MCF2L2: variants seen among roughly 807,000 people sequenced by gnomAD.
MCF2L2 encodes MCF.2 cell line derived transforming sequence-like 2.
Under a neutral mutation model 150.2 loss-of-function variants are expected in MCF2L2, and 102 were observed. That is an observed-to-expected ratio of 0.68 (90% CI 0.58 to 0.80). MCF2L2 has a LOEUF of 0.80. Ranked by LOEUF, MCF2L2 falls within the 30% of genes least tolerant of loss-of-function variation. MCF2L2 has a pLI of 0.00. For missense variants in MCF2L2, 1,256 were observed against 1,372.8 expected (o/e 0.91, Z 1.34); for synonymous variants, 465 against 491.3 (o/e 0.95, Z 0.71).
intron 4 of MCF2L2, among the ~76,000 whole-genome samples, chr3:183,340,563 T>C (rs1386107793): frequency 6.6e-6 from 1 of 152,148 alleles, no homozygotes; most frequent in Admixed American, 6.5e-5. Flanking sequence ...CAAGGTGATA[T>C]AATTTAATGC....
intron 15 of MCF2L2, among the ~76,000 whole-genome samples, chr3:183,241,405 CAT>C (rs968128114): frequency 8.5e-5 from 13 of 152,118 alleles, no homozygotes; most frequent in Admixed American, 4.6e-4. Context: ...ATAATCCCCA[CAT>C]GTCATGGGAG....
intron 3 of MCF2L2, among the ~76,000 whole-genome samples, chr3:183,370,997 T>C (rs185466795): frequency 1.3e-5 from 2 of 152,232 alleles, no homozygotes; most frequent in East Asian, 3.8e-4. Context: ...CTGTACACTC[T>C]GGATGTACAT....
At chr3:183,184,099 C>G (rs1454999585) in intron 27 of MCF2L2, among the ~76,000 whole-genome samples, 1 of 152,094 alleles carries the variant, frequency 6.6e-6, no homozygotes, top group Non-Finnish European at 1.5e-5. Flanking sequence ...CTCACAGCAA[C>G]CTCCTTCTCC....
intron 9 of MCF2L2, 83 bp downstream of exon 9, chr3:183,310,832 C>A: frequency 1.1e-6 from 1 of 879,350 alleles, no homozygotes; most frequent in Non-Finnish European, 1.8e-6. Flanking sequence ...AGAGGGAAAC[C>A]CCATACCAAA....
At chr3:183,412,938 T>C (rs1421623568) in intron 1 of MCF2L2, among the ~76,000 whole-genome samples, 1 of 152,124 alleles carries the variant, frequency 6.6e-6, no homozygotes, top group African/African-American at 2.4e-5. Context: ...CAAGATAGGG[T>C]GTTGAATCTT....
chr3:183,402,379 G>A (rs1354569443), intron 1 of MCF2L2, among the ~76,000 whole-genome samples: 8 of 149,362 alleles, frequency 5.4e-5, no homozygotes, highest in East Asian at 2.0e-4. Flanking sequence ...GCGTGACCTC[G>A]GGAGGCGGAG....
chr3:183,285,920 C>T (rs1267384412), intron 14 of MCF2L2, among the ~76,000 whole-genome samples: 3 of 152,114 alleles, frequency 2.0e-5, no homozygotes, highest in Admixed American at 1.3e-4. Flanking sequence ...AAGCAGTTCC[C>T]GTGAGTCATG....
intron 26 of MCF2L2, among the ~76,000 whole-genome samples, chr3:183,193,352 T>C (rs1321755082): frequency 4.7e-5 from 6 of 127,152 alleles, no homozygotes; most frequent in Admixed American, 3.0e-4. Context: ...TTTTTCTTTT[T>C]CTTTCTTTTT....
intron 15 of MCF2L2, among the ~76,000 whole-genome samples, chr3:183,243,034 T>C (rs1284721922): frequency 2.0e-5 from 3 of 152,220 alleles, no homozygotes; most frequent in Non-Finnish European, 4.4e-5. Context: ...TTTTGGACAA[T>C]TTCTCCCATT....
chr3:183,325,122 T>C (rs1305909755), intron 5 of MCF2L2, among the ~76,000 whole-genome samples: 1 of 46,992 alleles, frequency 2.1e-5, no homozygotes, highest in Non-Finnish European at 3.8e-5. Flanking sequence ...TGTTGTGGGG[T>C]GGGGGGAGGG....
At chr3:183,275,876 A>G (rs1484635626) in intron 15 of MCF2L2, among the ~76,000 whole-genome samples, 3 of 152,266 alleles carry the variant, frequency 2.0e-5, no homozygotes, top group Non-Finnish European at 2.9e-5. Flanking sequence ...TCAGCCTCCC[A>G]AAGTGTTGGA....
At chr3:183,288,190 G>T (rs1296648491) in intron 14 of MCF2L2, among the ~76,000 whole-genome samples, 5 of 152,156 alleles carry the variant, frequency 3.3e-5, no homozygotes, top group African/African-American at 1.2e-4. Context: ...ATACCCATTT[G>T]TACAAGCAAG....
Position 183,179,543 on chromosome 3 carries a change from A to G in MCF2L2, c.3221+34T>C. The G allele has an allele frequency of 3.7e-6, 6 of 1,612,260 alleles. No homozygotes were observed. Among genetic ancestry groups the G allele is most frequent in the South Asian group, 1.1e-5 (1 of 90,978 alleles). ...AGAAAGTCAGAGACGCCGTGGCCCA[A>G]AGAGGCGCTTAGTCTTTCCTCGCTC... is the stretch of plus-strand genomic sequence containing the variant. On this transcript the variant is annotated intron_variant, in intron 29 of 29. Transcript: ENST00000328913. This position sits in a 1 kb window ranked among gnomAD's most constrained non-coding sequence, Gnocchi z 4.2.
chr3:183,392,707 T>A (rs1052839129), intron 1 of MCF2L2, among the ~76,000 whole-genome samples: 45 of 152,300 alleles, frequency 3.0e-4, no homozygotes, highest in African/African-American at 9.6e-4. Context: ...TGGAGATGAC[T>A]GCAGATACAC....
In MCF2L2 at chr3:183,383,953, A is replaced by C. The variant is rs2108592422; in HGVS notation, c.161-4542T>G. ...CTATCTCTGAGCTGAGAATTTTAAG[A>C]AGCACTATGCTCCTTCCATGTTCTC... On this transcript the variant is annotated intron_variant, in intron 2 of 29. Transcript: ENST00000328913. Among the ~76,000 whole-genome samples, 2 of 152,276 alleles carry C rather than the reference A, an allele frequency of 1.3e-5. 1 individual carries two copies. The highest frequency in any genetic ancestry group is 4.1e-4 in the South Asian group (2 of 4,820).
intron 27 of MCF2L2, 51 bp downstream of exon 27, chr3:183,192,947 TG>T: frequency 7.5e-7 from 1 of 1,336,786 alleles, no homozygotes; most frequent in Non-Finnish European, 1.1e-6. Flanking sequence ...TCTAAGCAGC[TG>T]GCATCACCCC....
At chr3:183,230,877 T>C in intron 16 of MCF2L2, 74 bp downstream of exon 16, 2 of 1,180,602 alleles carry the variant, frequency 1.7e-6, no homozygotes, top group Non-Finnish European at 2.5e-6. Flanking sequence ...GGCAACTATT[T>C]TGAGTCTCTT....
At chr3:183,245,971 C>G (rs1724233977) in intron 15 of MCF2L2, among the ~76,000 whole-genome samples, 1 of 152,144 alleles carries the variant, frequency 6.6e-6, no homozygotes, top group Non-Finnish European at 1.5e-5. Context: ...TAAACTACCT[C>G]AAATTCTTTT....
chr3:183,226,670 T>A (rs926404653), intron 18 of MCF2L2: 1 of 152,252 alleles, frequency 6.6e-6, no homozygotes. Flanking sequence ...TTTGATAATA[T>A]CCACTTTCCC....
Sources: gnomAD v4.1 joint callset for allele counts (sites outside exome capture counted in the v4.1 genomes callset) on GRCh38, gnomAD v4.1.1 for gene constraint, Gnocchi (gnomAD v3.1) non-coding constraint, MANE v1.5 for transcripts, NCBI Gene and HGNC (gene_info 2026-07-23, HGNC 2026-07-21) for gene names.